Variants in KCTD8 observed in about 807,000 individuals in gnomAD.
KCTD8 encodes BTB/POZ domain-containing protein KCTD8.
KCTD8 carries 27 observed loss-of-function variants against 31.5 expected under a neutral mutation model. The ratio of observed to expected loss-of-function variants is 0.86; its 90% CI spans 0.63 to 1.18. The LOEUF is 1.18. Among genes scored for constraint, KCTD8 ranks in the 50% most tolerant of loss-of-function variants. The pLI, the probability that KCTD8 is intolerant of heterozygous loss-of-function variation, is 0.00. For missense variants in KCTD8, 658 were observed against 647.7 expected (o/e 1.02, Z -0.17); for synonymous variants, 290 against 280.0 (o/e 1.04, Z -0.36).
intron 1 of KCTD8, among the ~76,000 whole-genome samples, chr4:44,208,563 T>C (rs992405078): frequency 2.0e-5 from 3 of 152,186 alleles, no homozygotes; most frequent in Non-Finnish European, 4.4e-5. Context: ...ATAAGAAGTT[T>C]GGTATGCTCC....
chr4:44,201,337 C>T (rs755858814), intron 1 of KCTD8, among the ~76,000 whole-genome samples: 1 of 151,850 alleles, frequency 6.6e-6, no homozygotes, highest in African/African-American at 2.4e-5. Context: ...CAAAAAAGAG[C>T]CTAAATATCC....
chr4:44,268,650 G>C (rs888717532), intron 1 of KCTD8, among the ~76,000 whole-genome samples: 1 of 152,148 alleles, frequency 6.6e-6, no homozygotes, highest in Non-Finnish European at 1.5e-5. Flanking sequence ...AAACCCCATT[G>C]TCTCAGCCCA....
At chr4:44,376,542 G>A (rs1719921096) in intron 1 of KCTD8, among the ~76,000 whole-genome samples, 1 of 152,100 alleles carries the variant, frequency 6.6e-6, no homozygotes, top group Non-Finnish European at 1.5e-5. Context: ...GTTTTCTACT[G>A]GGACCAAGAC....
chr4:44,390,765 T>C (rs183910578), intron 1 of KCTD8, among the ~76,000 whole-genome samples: 1 of 152,040 alleles, frequency 6.6e-6, no homozygotes, highest in Non-Finnish European at 1.5e-5. Context: ...GGAGTTAATG[T>C]GGTAAAATTG....
intron 1 of KCTD8, among the ~76,000 whole-genome samples, chr4:44,429,329 C>A (rs1434846551): frequency 3.3e-5 from 5 of 151,780 alleles, no homozygotes; most frequent in Non-Finnish European, 5.9e-5. Flanking sequence ...CCATATGCAA[C>A]AACCCTGCAC....
chr4:44,183,477 G>A (rs1713488515), intron 1 of KCTD8, among the ~76,000 whole-genome samples: 1 of 151,990 alleles, frequency 6.6e-6, no homozygotes, highest in African/African-American at 2.4e-5. Context: ...TATCACAATA[G>A]GCCCAAACTT....
At chr4:44,206,720 G>C (rs577806099) in intron 1 of KCTD8, among the ~76,000 whole-genome samples, 1 of 152,262 alleles carries the variant, frequency 6.6e-6, no homozygotes, top group South Asian at 2.1e-4. Context: ...TGGAACAGTT[G>C]CTACGAGCTC....
At chr4:44,255,235 C>T (rs181057910) in intron 1 of KCTD8, among the ~76,000 whole-genome samples, 1 of 151,900 alleles carries the variant, frequency 6.6e-6, no homozygotes. Context: ...GAATCTATGC[C>T]TTTCTTTCAG....
intron 1 of KCTD8, among the ~76,000 whole-genome samples, chr4:44,298,416 C>CA (rs1470658081): frequency 6.6e-5 from 10 of 150,594 alleles, no homozygotes; most frequent in African/African-American, 2.2e-4. Context: ...GCCCCCCCCA[C>CA]CTCTTTATTT....
At chr4:44,287,467 C>G (rs1035988387) in intron 1 of KCTD8, among the ~76,000 whole-genome samples, 1 of 152,108 alleles carries the variant, frequency 6.6e-6, no homozygotes, top group Non-Finnish European at 1.5e-5. Flanking sequence ...AAACATTTCA[C>G]AAATATTTGG....
Position 44,448,471 on chromosome 4 carries a change from T to C in KCTD8, c.53A>G (p.Glu18Gly), listed in dbSNP as rs762974785. 6.5e-7 allele frequency: 1 copy of C among 1,539,374 alleles called. No individual in the cohort carries two copies. Among genetic ancestry groups the C allele is most frequent in the Non-Finnish European group, 8.7e-7 (1 of 1,151,686 alleles). ...GGGCGAGCTGGACGAGGAAACCATC[T>C]CGCTAATGGGCAGGATGGTGCTGCC... is the stretch of plus-strand genomic sequence containing the variant. ...SGGSTILPIS[E>G]MVSSSSSPGA... Residue 18 changes from glutamate to glycine, a missense_variant, in exon 1 of 2, where the codon GAG (glutamate) becomes GGG (glycine). Coordinates refer to ENST00000360029, the MANE Select transcript of KCTD8 (RefSeq NM_198353.3). The surrounding 1 kb of genome is among the most constrained non-coding windows in gnomAD (Gnocchi z 4.1).
intron 1 of KCTD8, among the ~76,000 whole-genome samples, chr4:44,284,477 T>C (rs1716998271): frequency 6.6e-6 from 1 of 152,150 alleles, no homozygotes; most frequent in African/African-American, 2.4e-5. Context: ...CAACTCAAGA[T>C]GGATCAAAGA....
chr4:44,400,379 T>C (rs1720616507), intron 1 of KCTD8, among the ~76,000 whole-genome samples: 1 of 151,956 alleles, frequency 6.6e-6, no homozygotes, highest in African/African-American at 2.4e-5. Flanking sequence ...TTACTATCTA[T>C]TTTAGCATGC....
chr4:44,195,757 G>A, intron 1 of KCTD8, among the ~76,000 whole-genome samples: 1 of 152,122 alleles, frequency 6.6e-6, no homozygotes, highest in Non-Finnish European at 1.5e-5. Context: ...CTAGAACCAA[G>A]ATCCTGACTA....
chr4:44,182,111 G>A (rs971261257), intron 1 of KCTD8, among the ~76,000 whole-genome samples: 5 of 151,570 alleles, frequency 3.3e-5, no homozygotes, highest in East Asian at 3.9e-4. Context: ...CGCCCCGTCC[G>A]GGAGGAAGGT....
chr4:44,325,936 A>T (rs1718432434), intron 1 of KCTD8, among the ~76,000 whole-genome samples: 1 of 151,978 alleles, frequency 6.6e-6, no homozygotes, highest in Non-Finnish European at 1.5e-5. Flanking sequence ...TGGTCAGTTA[A>T]GAAAAAATTT....
intron 1 of KCTD8, among the ~76,000 whole-genome samples, chr4:44,433,645 C>T (rs1418430196): frequency 1.3e-5 from 2 of 151,680 alleles, no homozygotes. Context: ...TCTCTTCCTC[C>T]TAGAAATATC....
chr4:44,408,470 A>AAAAAAC (rs771882918), intron 1 of KCTD8, among the ~76,000 whole-genome samples: 2 of 152,234 alleles, frequency 1.3e-5, no homozygotes, highest in Non-Finnish European at 2.9e-5. Context: ...TAACAAAACC[A>AAAAAAC]AAAAACAAAA....
intron 1 of KCTD8, among the ~76,000 whole-genome samples, chr4:44,185,891 A>G (rs987739494): frequency 1.3e-5 from 2 of 152,104 alleles, no homozygotes; most frequent in African/African-American, 2.4e-5. Context: ...ACAAACACAC[A>G]CACAAAACAC....
Sources: allele counts gnomAD v4.1 joint callset (sites outside exome capture counted in the v4.1 genomes callset), GRCh38; gene constraint gnomAD v4.1.1; non-coding constraint Gnocchi (gnomAD v3.1); transcripts MANE v1.5; gene names NCBI Gene and HGNC (gene_info 2026-07-23, HGNC 2026-07-21).